TCF12: variants seen among roughly 807,000 people sequenced by gnomAD.
TCF12 encodes the protein transcription factor 12.
Under a neutral mutation model 86.0 loss-of-function variants are expected in TCF12, and 45 were observed. The observed-to-expected ratio is 0.52, with a 90% confidence interval of 0.41 to 0.67. TCF12 has a LOEUF of 0.67. Ranked by LOEUF, TCF12 falls within the 30% of genes least tolerant of loss-of-function variation. The probability of loss-of-function intolerance (pLI) is 0.00; values close to 1 mark genes in which losing one functional copy is unlikely to be tolerated. For synonymous variants in TCF12, 330 were observed against 299.6 expected (o/e 1.10, Z -1.05); for missense variants, 881 against 859.9 (o/e 1.02, Z -0.31).
chr15:57,155,603 T>C lies in TCF12; in HGVS notation c.326-10799T>C, dbSNP rs368970646. On this transcript the variant is annotated intron_variant, in intron 5 of 20. Transcript: ENST00000333725. ...TGAGGCCAGGAGTTCAAGACCAGCCTGGGCAACATAAGAGACCCCCATCTC... is the reference window on the plus strand; with the variant it reads ...TGAGGCCAGGAGTTCAAGACCAGCCCGGGCAACATAAGAGACCCCCATCTC... Among the ~76,000 whole-genome samples, 8 of 152,260 alleles carry C rather than the reference T, an allele frequency of 5.3e-5. No individual in the cohort carries two copies. The East Asian group carries it at 9.7e-4, about 18-fold the overall frequency.
intron 3 of TCF12, among the ~76,000 whole-genome samples, chr15:56,934,023 T>A (rs2060362235): frequency 6.6e-6 from 1 of 152,072 alleles, no homozygotes; most frequent in Non-Finnish European, 1.5e-5. Flanking sequence ...ATCTCAGAAT[T>A]GTTTGGATGA....
At chr15:57,125,402 C>T (rs1212974558) in intron 5 of TCF12, among the ~76,000 whole-genome samples, 1 of 152,130 alleles carries the variant, frequency 6.6e-6, no homozygotes, top group Non-Finnish European at 1.5e-5. Context: ...ATAGGATGCA[C>T]CCAGTTAACT....
chr15:57,253,410 GC>G lies in TCF12; in HGVS notation c.1411del (p.Leu471SerfsTer48). The G allele has an allele frequency of 6.2e-7, 1 of 1,614,060 alleles. No homozygotes were observed. The highest frequency in any genetic ancestry group is 1.7e-5 in the Admixed American group (1 of 60,004). Reference sequence around the variant, plus strand: ...CCATCCCATAATGCACCAATTGGAAGCCTCAATTCAAACTATGGAGGATCAA... The same window carrying G: ...CCATCCCATAATGCACCAATTGGAAGCTCAATTCAAACTATGGAGGATCAA... ...LGPSHNAPIG[S>X]LNSNYGGSSL... On this transcript the variant is annotated frameshift_variant, in exon 16 of 21. Transcript: ENST00000333725. LOFTEE classifies it high-confidence loss of function.
Position 56,979,187 on chromosome 15 carries a change from T to G in TCF12, c.148+58089T>G, listed in dbSNP as rs112611303. On this transcript the variant is annotated intron_variant, in intron 3 of 20. Coordinates refer to ENST00000333725, the MANE Select transcript of TCF12 (RefSeq NM_207037.2). ...TTGATTTACTTTCTTATGCTTTACA[T>G]TCTGAAAATTGAGTCTTTAGGATAA... 3.2e-3 allele frequency among the ~76,000 whole-genome samples: 482 copies of G among 152,328 alleles called. 1 individual carries two copies. The highest frequency in any genetic ancestry group is 0.011 in the African/African-American group (462 of 41,570).
intron 6 of TCF12, 80 bp downstream of exon 6, chr15:57,166,546 A>G (rs2054908143): frequency 1.6e-6 from 2 of 1,235,368 alleles, no homozygotes; most frequent in Non-Finnish European, 2.3e-6. Context: ...TGAGATAGAA[A>G]TTATCCAATT....
At chr15:57,067,246 A>C (rs2068955949) in intron 4 of TCF12, among the ~76,000 whole-genome samples, 1 of 152,186 alleles carries the variant, frequency 6.6e-6, no homozygotes, top group South Asian at 2.1e-4. Context: ...CATTGTACCT[A>C]AGAGTGGTTA....
chr15:57,064,444 G>A (rs917035363), intron 4 of TCF12, among the ~76,000 whole-genome samples: 4 of 152,096 alleles, frequency 2.6e-5, no homozygotes, highest in Non-Finnish European at 4.4e-5. Context: ...CAAAGAATTG[G>A]AATAAAAGTA....
intron 3 of TCF12, among the ~76,000 whole-genome samples, chr15:57,012,218 A>G (rs1428008416): frequency 2.0e-5 from 3 of 152,338 alleles, no homozygotes; most frequent in East Asian, 1.9e-4. Flanking sequence ...AACATTTAAT[A>G]TACTACATTA....
At chr15:57,172,519 GT>G (rs778992287) in intron 6 of TCF12, among the ~76,000 whole-genome samples, 4 of 152,136 alleles carry the variant, frequency 2.6e-5, no homozygotes, top group Non-Finnish European at 5.9e-5. Flanking sequence ...AATTGGAAAG[GT>G]TTGAAACCAT....
At chr15:56,935,218 T>C (rs1470621840) in intron 3 of TCF12, among the ~76,000 whole-genome samples, 2 of 152,156 alleles carry the variant, frequency 1.3e-5, no homozygotes, top group Non-Finnish European at 2.9e-5. Flanking sequence ...TGCCAGTTGC[T>C]CTCTTTTTCC....
At chr15:56,999,261 C>T (rs1408173259) in intron 3 of TCF12, among the ~76,000 whole-genome samples, 2 of 149,970 alleles carry the variant, frequency 1.3e-5, no homozygotes, top group Admixed American at 6.6e-5. Context: ...ACCCCAGTAA[C>T]AGGAGAATCA....
chr15:56,961,958 G>A (rs575025188), intron 3 of TCF12, among the ~76,000 whole-genome samples: 10 of 151,690 alleles, frequency 6.6e-5, no homozygotes, highest in South Asian at 4.2e-4. Flanking sequence ...GTGAAACCCC[G>A]TCTCTACTAA....
At chr15:57,129,009 T>C (rs2151331934) in intron 5 of TCF12, among the ~76,000 whole-genome samples, 1 of 152,348 alleles carries the variant, frequency 6.6e-6, no homozygotes, top group South Asian at 2.1e-4. Context: ...GTACAAGTTT[T>C]TGTATGGACG....
At chr15:57,064,431 G>A (rs1159125884) in intron 4 of TCF12, among the ~76,000 whole-genome samples, 1 of 152,148 alleles carries the variant, frequency 6.6e-6, no homozygotes, top group Non-Finnish European at 1.5e-5. Flanking sequence ...TGGAAAATTA[G>A]ATCAAAGAAT....
At chr15:56,944,145 C>T (rs1426497052) in intron 3 of TCF12, among the ~76,000 whole-genome samples, 3 of 152,090 alleles carry the variant, frequency 2.0e-5, no homozygotes, top group African/African-American at 7.2e-5. Flanking sequence ...CAGAAGTTTT[C>T]ATTTGTTGAG....
chr15:57,001,184 T>C (rs1342901614), intron 3 of TCF12, among the ~76,000 whole-genome samples: 1 of 151,946 alleles, frequency 6.6e-6, no homozygotes, highest in Admixed American at 6.6e-5. Context: ...GCCTGGCTAA[T>C]TTTTGTATTT....
At chr15:57,163,097 C>G (rs1351901322) in intron 5 of TCF12, among the ~76,000 whole-genome samples, 1 of 151,862 alleles carries the variant, frequency 6.6e-6, no homozygotes, top group African/African-American at 2.4e-5. Flanking sequence ...TCACTCCAAC[C>G]CAGGAGGTGG....
intron 3 of TCF12, among the ~76,000 whole-genome samples, chr15:56,932,398 A>G (rs1307798870): frequency 2.6e-5 from 4 of 152,172 alleles, no homozygotes; most frequent in African/African-American, 9.7e-5. Flanking sequence ...CCAATCTACA[A>G]GAGCATGGTT....
At chr15:57,184,723 A>C (rs1361304275) in intron 6 of TCF12, among the ~76,000 whole-genome samples, 1 of 152,166 alleles carries the variant, frequency 6.6e-6, no homozygotes, top group Non-Finnish European at 1.5e-5. Context: ...CCATTTAAGC[A>C]ATATTGAATG....
Sources: allele counts gnomAD v4.1 joint callset (sites outside exome capture counted in the v4.1 genomes callset), GRCh38; gene constraint gnomAD v4.1.1; transcripts MANE v1.5; gene names NCBI Gene and HGNC (gene_info 2026-07-23, HGNC 2026-07-21).